NUBPL: variants seen among roughly 807,000 people sequenced by gnomAD.
NUBPL encodes NUBP iron-sulfur cluster assembly factor, mitochondrial.
A neutral mutation model predicts 45.7 loss-of-function variants in NUBPL; 31 were observed. The observed-to-expected ratio is 0.68, with a 90% CI of 0.51 to 0.92. The LOEUF is 0.92. Ranked by LOEUF, NUBPL falls within the 40% of genes least tolerant of loss-of-function variation. The pLI is 0.00. For synonymous variants in NUBPL, 144 were observed against 140.9 expected (o/e 1.02, Z -0.15); for missense variants, 401 against 398.7 (o/e 1.01, Z -0.05).
chr14:31,795,122 T>A (rs1347986259), intron 7 of NUBPL, among the ~76,000 whole-genome samples: 2 of 150,018 alleles, frequency 1.3e-5, no homozygotes, highest in Non-Finnish European at 3.0e-5. Flanking sequence ...CCATGCTGTT[T>A]TGGTTACTGT....
chr14:31,845,506 A>G (rs929508398), intron 8 of NUBPL: 4 of 152,222 alleles, frequency 2.6e-5, no homozygotes, highest in African/African-American at 4.8e-5. Context: ...TACTAAAAAT[A>G]CAAAATTAGC....
rs1055954043 is a variant in NUBPL, at chr14:31,640,970, T to C, written c.383-32385T>C. Among the ~76,000 whole-genome samples the C allele has an allele frequency of 2.7e-5, 4 of 145,504 alleles. No individual in the cohort carries two copies. In the South Asian group the frequency reaches 6.7e-4, roughly 24 times the overall value. ...GTTTTTTTGTTTTTCTTTTTGTTTT[T>C]GAGACAGAGTCCCACTCTGTCACCA... On this transcript the variant is annotated intron_variant, in intron 4 of 10. Transcript: ENST00000281081.
In NUBPL at chr14:31,808,385, A is replaced by G. The variant is rs557722873; in HGVS notation, c.608-18244A>G. ...TAGATATTTTATTCTCTTTGTAGCA[A>G]TTGTGAATGGGATTCACTCACGATT... On this transcript the variant is annotated intron_variant, in intron 7 of 10. Coordinates refer to ENST00000281081, the MANE Select transcript of NUBPL (RefSeq NM_025152.3). Among the ~76,000 whole-genome samples the G allele has an allele frequency of 2.0e-4, 31 of 152,264 alleles. 1 individual carries two copies. Among genetic ancestry groups the G allele is most frequent in the African/African-American group, 6.5e-4 (27 of 41,552 alleles).
chr14:31,766,070 G>A (rs1296416936), intron 6 of NUBPL, among the ~76,000 whole-genome samples: 1 of 152,146 alleles, frequency 6.6e-6, no homozygotes, highest in Non-Finnish European at 1.5e-5. Context: ...TAGAAAAAAA[G>A]CAGGGTAGCA....
At chr14:31,831,468 T>TATACC (rs139348463) in intron 8 of NUBPL, among the ~76,000 whole-genome samples, 15,191 of 143,068 alleles carry the variant, frequency 0.11, 895 homozygotes, top group Non-Finnish European at 0.13. Flanking sequence ...TATACTGTAC[T>TATACC]ATACCATACC....
At chr14:31,850,792 A>ATT (rs112493562) in intron 10 of NUBPL, among the ~76,000 whole-genome samples, 6 of 147,712 alleles carry the variant, frequency 4.1e-5, no homozygotes, top group Admixed American at 6.7e-5. Context: ...TGCCCTGCTA[A>ATT]TTTTTTTTTT....
chr14:31,850,666 G>A (rs192917550), intron 10 of NUBPL, among the ~76,000 whole-genome samples: 1 of 152,072 alleles, frequency 6.6e-6, no homozygotes, highest in African/African-American at 2.4e-5. Flanking sequence ...TGTCACCCAG[G>A]CTGGAGTACA....
intron 6 of NUBPL, among the ~76,000 whole-genome samples, chr14:31,744,696 A>G (rs1310114541): frequency 7.2e-6 from 1 of 139,132 alleles, no homozygotes; most frequent in Non-Finnish European, 1.5e-5. Context: ...ATCTCGGCTC[A>G]CTGCAACCTC....
At chr14:31,721,174 C>G (rs1254993953) in intron 6 of NUBPL, among the ~76,000 whole-genome samples, 4 of 152,114 alleles carry the variant, frequency 2.6e-5, no homozygotes, top group South Asian at 2.1e-4. Flanking sequence ...ATTAGTTTTA[C>G]TTCATTAGTA....
chr14:31,610,470 C>G (rs2034722311), intron 4 of NUBPL, among the ~76,000 whole-genome samples: 2 of 151,894 alleles, frequency 1.3e-5, no homozygotes, highest in Non-Finnish European at 2.9e-5. Context: ...AGCTTCACTG[C>G]TGAATTCTAC....
intron 4 of NUBPL, among the ~76,000 whole-genome samples, chr14:31,644,885 T>C (rs2035801208): frequency 6.6e-6 from 1 of 152,130 alleles, no homozygotes; most frequent in South Asian, 2.1e-4. Flanking sequence ...TTGACCCCTT[T>C]ATTATTATTG....
chr14:31,661,718 T>G (rs2036274649), intron 4 of NUBPL, among the ~76,000 whole-genome samples: 1 of 152,126 alleles, frequency 6.6e-6, no homozygotes, highest in Non-Finnish European at 1.5e-5. Flanking sequence ...TTTTTTGTAT[T>G]TTTAGTAGAG....
intron 6 of NUBPL, among the ~76,000 whole-genome samples, chr14:31,676,609 A>G (rs1281059501): frequency 6.6e-6 from 1 of 152,036 alleles, no homozygotes; most frequent in Non-Finnish European, 1.5e-5. Context: ...ACTTTTAACC[A>G]TTCTAATAGA....
chr14:31,744,472 A>G (rs146395134), intron 6 of NUBPL, among the ~76,000 whole-genome samples: 23 of 152,302 alleles, frequency 1.5e-4, no homozygotes, highest in African/African-American at 5.3e-4. Flanking sequence ...TTAAAAATAA[A>G]CGCCACAAAA....
chr14:31,567,964 C>G (rs1331752618), intron 3 of NUBPL, among the ~76,000 whole-genome samples: 1 of 152,088 alleles, frequency 6.6e-6, no homozygotes, highest in East Asian at 1.9e-4. Context: ...CTAATGTCAC[C>G]CTCTTTTGTT....
intron 8 of NUBPL, among the ~76,000 whole-genome samples, chr14:31,838,853 A>G (rs977946233): frequency 1.3e-5 from 2 of 152,144 alleles, no homozygotes; most frequent in African/African-American, 2.4e-5. Context: ...GACTAGCCAC[A>G]TTTCAAGTAT....
At chr14:31,666,226 A>AAGAT (rs1487505069) in intron 4 of NUBPL, among the ~76,000 whole-genome samples, 2 of 53,518 alleles carry the variant, frequency 3.7e-5, no homozygotes, top group Non-Finnish European at 7.5e-5. Context: ...ATTTATATTT[A>AAGAT]AGATATATAT....
At chr14:31,766,088 A>G (rs2138745136) in intron 6 of NUBPL, among the ~76,000 whole-genome samples, 1 of 152,368 alleles carries the variant, frequency 6.6e-6, no homozygotes, top group African/African-American at 2.4e-5. Flanking sequence ...GCAAATTTAT[A>G]TCTCAAAGCA....
chr14:31,679,044 C>G (rs926413903), intron 6 of NUBPL, among the ~76,000 whole-genome samples: 1 of 152,166 alleles, frequency 6.6e-6, no homozygotes, highest in Non-Finnish European at 1.5e-5. Context: ...GTAGGTGCAG[C>G]CTGGTTCTGC....
Sources: allele counts gnomAD v4.1 joint callset (sites outside exome capture counted in the v4.1 genomes callset), GRCh38; gene constraint gnomAD v4.1.1; transcripts MANE v1.5; gene names NCBI Gene and HGNC (gene_info 2026-07-23, HGNC 2026-07-21).